Variants in CC2D2B observed in about 807,000 individuals in gnomAD.
CC2D2B encodes the protein protein CC2D2B.
A neutral mutation model predicts 161.2 loss-of-function variants in CC2D2B; 128 were observed. That is an observed-to-expected ratio of 0.79 (90% CI 0.69 to 0.92). CC2D2B has a LOEUF of 0.92. Ranked by LOEUF, CC2D2B falls within the 40% of genes least tolerant of loss-of-function variation. CC2D2B has a pLI of 0.00. For synonymous variants in CC2D2B, 391 were observed against 449.8 expected, an observed-to-expected ratio of 0.87 and a Z score of 1.65; for missense variants, 1,173 against 1,375.1, an observed-to-expected ratio of 0.85 and a Z score of 2.32.
At chr10:95,922,954 ATTT>A (rs11300333) in intron 3 of CC2D2B, among the ~76,000 whole-genome samples, 7 of 142,558 alleles carry the variant, frequency 4.9e-5, no homozygotes, top group Non-Finnish European at 6.1e-5. Flanking sequence ...CATGTATGTT[ATTT>A]TTTTTTTTTT....
chr10:95,957,680 C>T (rs1273376094), intron 11 of CC2D2B, among the ~76,000 whole-genome samples: 1 of 150,252 alleles, frequency 6.7e-6, no homozygotes, highest in Non-Finnish European at 1.5e-5. Flanking sequence ...CCTGCCTCAG[C>T]CTCCTGAGTA....
intron 19 of CC2D2B, among the ~76,000 whole-genome samples, chr10:95,986,894 G>A (rs61871143): frequency 6.6e-6 from 1 of 152,032 alleles, no homozygotes; most frequent in Non-Finnish European, 1.5e-5. Context: ...ACAGTGCCTG[G>A]CCAGATTAAT....
At chr10:95,954,995 A>G (rs1003832488) in intron 10 of CC2D2B, among the ~76,000 whole-genome samples, 2 of 152,114 alleles carry the variant, frequency 1.3e-5, no homozygotes, top group African/African-American at 4.8e-5. Context: ...AGTTATCAAT[A>G]TATGTATATA....
chr10:95,941,566 C>T (rs150458082), intron 9 of CC2D2B, among the ~76,000 whole-genome samples: 2,833 of 152,024 alleles, frequency 0.019, 36 homozygotes, highest in Middle Eastern at 0.055. Context: ...ATACAAATGG[C>T]CAACAGACAT....
chr10:95,981,323 G>T (rs1006135631), intron 17 of CC2D2B, among the ~76,000 whole-genome samples: 3 of 149,788 alleles, frequency 2.0e-5, no homozygotes, highest in African/African-American at 7.4e-5. Flanking sequence ...AACCTGGGAG[G>T]CAGAGGTTGC....
At chr10:95,939,613 G>A (rs1167281026) in intron 9 of CC2D2B, among the ~76,000 whole-genome samples, 2 of 152,182 alleles carry the variant, frequency 1.3e-5, no homozygotes, top group Non-Finnish European at 2.9e-5. Flanking sequence ...AGAAGTGTGT[G>A]AGAGTTTCAG....
chr10:96,009,020 T>G (rs2078875613), intron 25 of CC2D2B, among the ~76,000 whole-genome samples: 1 of 152,102 alleles, frequency 6.6e-6, no homozygotes, highest in South Asian at 2.1e-4. Flanking sequence ...GATGAATAGA[T>G]TCCTGTATCA....
chr10:95,922,165 G>A, intron 3 of CC2D2B, 89 bp downstream of exon 3: 1 of 640,918 alleles, frequency 1.6e-6, no homozygotes, highest in South Asian at 2.9e-5. Flanking sequence ...GTTTCAGCTG[G>A]GAACACAAAT....
chr10:95,971,711 G>A (rs2077139285), intron 15 of CC2D2B, among the ~76,000 whole-genome samples: 1 of 152,072 alleles, frequency 6.6e-6, no homozygotes, highest in South Asian at 2.1e-4. Context: ...CTTATAAAAT[G>A]AGAATAATAT....
chr10:95,969,203 A>G (rs2077039729), intron 15 of CC2D2B, among the ~76,000 whole-genome samples: 1 of 152,184 alleles, frequency 6.6e-6, no homozygotes, highest in Admixed American at 6.5e-5. Context: ...TTTACAGGAT[A>G]ATGAGTAGCA....
chr10:95,926,834 G>GTGTGTGTGTGTC (rs2141194728), intron 5 of CC2D2B, among the ~76,000 whole-genome samples: 2 of 137,996 alleles, frequency 1.4e-5, no homozygotes, highest in South Asian at 2.3e-4. Flanking sequence ...GTGTGTGTGT[G>GTGTGTGTGTGTC]TGTGTGTGTG....
In CC2D2B at chr10:95,914,231, T is replaced by C. The variant is rs75254916; in HGVS notation, c.36+2872T>C. On this transcript the variant is annotated intron_variant, in intron 2 of 34. Transcript: ENST00000646931. ...TATTAAAGAGATTGTCTTTTCCCAA[T>C]GTGCATTTTTGGCACCTTGTTGAAA... 4.0e-3 allele frequency among the ~76,000 whole-genome samples: 607 copies of C among 152,294 alleles called. 9 individuals are homozygous for C. The highest frequency in any genetic ancestry group is 0.014 in the African/African-American group (594 of 41,570).
chr10:95,909,746 C>T (rs2098502708), intron 1 of CC2D2B, among the ~76,000 whole-genome samples: 1 of 152,136 alleles, frequency 6.6e-6, no homozygotes, highest in African/African-American at 2.4e-5. Flanking sequence ...ACTCCTGAAA[C>T]CAAATGGCCT....
Position 95,972,295 on chromosome 10 carries a change from A to C in CC2D2B, c.1795+79A>C, listed in dbSNP as rs974273402. On this transcript the variant is annotated intron_variant, in intron 16 of 34. Coordinates refer to ENST00000646931, the MANE Select transcript of CC2D2B (RefSeq NM_001349008.3). ...TCCTAAGTGACCCTGGCTCACTCAC[A>C]TAAGTACAAAATCCTGTATTTACAA... The C allele has an allele frequency of 4.6e-6, 4 of 869,180 alleles. No homozygotes were observed. In the African/African-American group the frequency reaches 5.3e-5, roughly 11 times the overall value. 53.8% of individuals were successfully genotyped at this position (869,180 alleles called of 1,614,324 possible). A position where few individuals can be genotyped will look rare whatever the true frequency, so the allele number is the denominator to read the frequency against.
At chr10:95,953,403 G>C (rs2076470281) in intron 10 of CC2D2B, among the ~76,000 whole-genome samples, 1 of 152,066 alleles carries the variant, frequency 6.6e-6, no homozygotes, top group South Asian at 2.1e-4. Flanking sequence ...AGGTCTTGCT[G>C]TATTGCCAGA....
chr10:95,963,729 G>T (rs748765372), intron 12 of CC2D2B, among the ~76,000 whole-genome samples: 1 of 152,106 alleles, frequency 6.6e-6, no homozygotes, highest in Non-Finnish European at 1.5e-5. Context: ...AGAAGGAAGT[G>T]GTTAGCAGTT....
chr10:95,949,670 TAA>T lies in CC2D2B; in HGVS notation c.802-216_802-215del, dbSNP rs59101408. On this transcript the variant is annotated intron_variant, in intron 9 of 34. Coordinates refer to ENST00000646931, the MANE Select transcript of CC2D2B (RefSeq NM_001349008.3). ...CTTAGAGTATAATAAAAAAAAAAAT[TAA>T]AAAAAAAAATAGTAAGATGATTAAA... Among the ~76,000 whole-genome samples the T allele has an allele frequency of 1.6e-3, 236 of 144,240 alleles. 2 individuals are homozygous for T. The highest frequency in any genetic ancestry group is 1.2e-3 in the Non-Finnish European group (76 of 65,624). The allele number at this position is 144,240 out of a possible 152,430, so 94.6% of individuals were successfully genotyped here. A position where few individuals can be genotyped will look rare whatever the true frequency, so the allele number is the denominator to read the frequency against.
At chr10:95,992,890 C>T (rs755833631) in intron 22 of CC2D2B, 193 bp downstream of exon 22, 18 of 386,580 alleles carry the variant, frequency 4.7e-5, no homozygotes, top group Admixed American at 4.1e-4. Context: ...TTCTGAGGTT[C>T]GAGATTCCCA....
chr10:95,936,601 G>C (rs1326821019), intron 6 of CC2D2B, among the ~76,000 whole-genome samples: 1 of 152,162 alleles, frequency 6.6e-6, no homozygotes. Context: ...ACATTGCTCT[G>C]CTGTGAGCTG....
Sources: allele counts gnomAD v4.1 joint callset (sites outside exome capture counted in the v4.1 genomes callset), GRCh38; gene constraint gnomAD v4.1.1; transcripts MANE v1.5; gene names NCBI Gene and HGNC (gene_info 2026-07-23, HGNC 2026-07-21).